The following RBMS3 variants were observed in gnomAD, a reference collection of about 807,000 sequenced individuals.
RBMS3 encodes RNA-binding motif, single-stranded-interacting protein 3.
Under a neutral mutation model 66.8 loss-of-function variants are expected in RBMS3, and 27 were observed. That is an observed-to-expected ratio of 0.40 (90% CI 0.30 to 0.56). The LOEUF is 0.56. Among genes scored for constraint, RBMS3 ranks in the 20% least tolerant of loss-of-function variants. The probability of loss-of-function intolerance (pLI) is 0.40; values close to 1 mark genes in which losing one functional copy is unlikely to be tolerated. For missense variants in RBMS3, 513 were observed against 549.5 expected, an observed-to-expected ratio of 0.93 and a Z score of 0.66; for synonymous variants, 188 against 183.0, an observed-to-expected ratio of 1.03 and a Z score of -0.22.
chr3:29,547,885 C>T (rs528362445), intron 3 of RBMS3, among the ~76,000 whole-genome samples: 2 of 143,168 alleles, frequency 1.4e-5, no homozygotes, highest in South Asian at 2.3e-4. Context: ...AATCTCAGTT[C>T]ACACAACCTC....
At chr3:29,591,808 G>A (rs541689461) in intron 4 of RBMS3, among the ~76,000 whole-genome samples, 31 of 152,194 alleles carry the variant, frequency 2.0e-4, no homozygotes, top group Non-Finnish European at 3.1e-4. Context: ...GGAAATGTCC[G>A]CAGAAAAGAA....
chr3:29,372,725 A>T (rs2038269246), intron 1 of RBMS3, among the ~76,000 whole-genome samples: 2 of 152,112 alleles, frequency 1.3e-5, no homozygotes, highest in Admixed American at 6.5e-5. Context: ...TGATGGGAAA[A>T]GGGAAACTAC....
At chr3:29,968,628 T>A (rs1697021064) in intron 12 of RBMS3, among the ~76,000 whole-genome samples, 1 of 152,162 alleles carries the variant, frequency 6.6e-6, no homozygotes, top group South Asian at 2.1e-4. Flanking sequence ...GCTTCTCCAG[T>A]GGGGGTGTGT....
At chr3:29,701,264 C>T (rs549496982) in intron 4 of RBMS3, among the ~76,000 whole-genome samples, 2 of 150,646 alleles carry the variant, frequency 1.3e-5, no homozygotes, top group Non-Finnish European at 3.0e-5. Context: ...GCAATAAGAG[C>T]GAGACTCTGT....
chr3:29,294,567 G>A (rs2033086594), intron 1 of RBMS3, among the ~76,000 whole-genome samples: 3 of 151,818 alleles, frequency 2.0e-5, no homozygotes, highest in Admixed American at 2.0e-4. Flanking sequence ...TTGGAACTGG[G>A]GGATGAAAGT....
At chr3:29,480,551 G>T (rs2043094936) in intron 2 of RBMS3, among the ~76,000 whole-genome samples, 1 of 152,158 alleles carries the variant, frequency 6.6e-6, no homozygotes, top group South Asian at 2.1e-4. Flanking sequence ...GAGGTCAAAT[G>T]GTGCCAAGAA....
intron 4 of RBMS3, among the ~76,000 whole-genome samples, chr3:29,649,304 C>A (rs911722825): frequency 6.6e-6 from 1 of 152,156 alleles, no homozygotes. Flanking sequence ...TCTTGCTCTG[C>A]AGCTCTGGGG....
intron 2 of RBMS3, among the ~76,000 whole-genome samples, chr3:29,461,335 C>G (rs2042361589): frequency 6.6e-6 from 1 of 152,202 alleles, no homozygotes; most frequent in Admixed American, 6.5e-5. Flanking sequence ...GTTTTCTCTT[C>G]TCCATTCCTG....
At chr3:29,436,605 C>T (rs2041413514) in intron 2 of RBMS3, among the ~76,000 whole-genome samples, 2 of 152,226 alleles carry the variant, frequency 1.3e-5, no homozygotes, top group Non-Finnish European at 2.9e-5. Context: ...AAATGTGAAA[C>T]ATTGTAGACT....
At chr3:29,679,379 G>C (rs547891446) in intron 4 of RBMS3, among the ~76,000 whole-genome samples, 30 of 152,138 alleles carry the variant, frequency 2.0e-4, no homozygotes, top group African/African-American at 7.2e-4. Flanking sequence ...GCATTTATTA[G>C]AGTCACTTTT....
intron 3 of RBMS3, among the ~76,000 whole-genome samples, chr3:29,538,640 T>A (rs866123771): frequency 1.3e-5 from 2 of 152,222 alleles, no homozygotes; most frequent in African/African-American, 2.4e-5. Flanking sequence ...TTCCAAATTA[T>A]AAGCTTTGGA....
At chr3:29,799,958 T>C (rs929074085) in intron 6 of RBMS3, among the ~76,000 whole-genome samples, 4 of 152,200 alleles carry the variant, frequency 2.6e-5, no homozygotes, top group Non-Finnish European at 4.4e-5. Flanking sequence ...TTGTTCATCA[T>C]GGACAACTTC....
chr3:29,437,866 G>T (rs566411424), intron 2 of RBMS3, among the ~76,000 whole-genome samples: 2 of 152,032 alleles, frequency 1.3e-5, no homozygotes, highest in African/African-American at 2.4e-5. Context: ...TTATTTATCT[G>T]CCAGACTTAC....
At position 29,580,169 on chromosome 3, in the gene RBMS3, T is replaced by A. The variant is rs1378176467; in HGVS notation, c.308-6945T>A. Among the ~76,000 whole-genome samples the A allele has an allele frequency of 3.9e-5, 6 of 152,326 alleles. No individual in the cohort carries two copies. In the East Asian group the frequency reaches 9.6e-4, roughly 24 times the overall value. Reference sequence around the variant, plus strand: ...CTAGGAAATACCATTGGGGACCTATTCCTTTTCCCCAGTCCTTATTTTTGT... The same window carrying A: ...CTAGGAAATACCATTGGGGACCTATACCTTTTCCCCAGTCCTTATTTTTGT... On this transcript the variant is annotated intron_variant, in intron 3 of 14. Coordinates refer to ENST00000383767, the MANE Select transcript of RBMS3 (RefSeq NM_001003793.3).
chr3:29,837,688 A>G (rs2058556720), intron 6 of RBMS3, among the ~76,000 whole-genome samples: 1 of 122,572 alleles, frequency 8.2e-6, no homozygotes, highest in African/African-American at 3.4e-5. Context: ...ATATATATAT[A>G]TATATATATA....
chr3:29,390,240 A>G (rs547479989), intron 1 of RBMS3, among the ~76,000 whole-genome samples: 3 of 152,318 alleles, frequency 2.0e-5, no homozygotes, highest in South Asian at 4.1e-4. Flanking sequence ...TCTTCTGCCT[A>G]TGTAGACATC....
At chr3:29,394,432 G>T (rs1280694188) in intron 1 of RBMS3, among the ~76,000 whole-genome samples, 1 of 152,062 alleles carries the variant, frequency 6.6e-6, no homozygotes, top group African/African-American at 2.4e-5. Context: ...TCATCACAGG[G>T]TCCTGAGGAG....
At chr3:29,522,701 C>A (rs890897645) in intron 3 of RBMS3, among the ~76,000 whole-genome samples, 1 of 152,108 alleles carries the variant, frequency 6.6e-6, no homozygotes, top group African/African-American at 2.4e-5. Flanking sequence ...ACCTTGACTT[C>A]TCCTTTTCTT....
chr3:29,627,659 C>T (rs1189007064), intron 4 of RBMS3, among the ~76,000 whole-genome samples: 3 of 152,062 alleles, frequency 2.0e-5, no homozygotes, highest in Admixed American at 2.0e-4. Flanking sequence ...TAAGTGTTTG[C>T]CTTTTAATAA....
Sources: allele counts gnomAD v4.1 joint callset (sites outside exome capture counted in the v4.1 genomes callset), GRCh38; gene constraint gnomAD v4.1.1; transcripts MANE v1.5; gene names NCBI Gene and HGNC (gene_info 2026-07-23, HGNC 2026-07-21).